Variants in RIC1 observed in about 807,000 individuals in gnomAD.
The protein encoded by RIC1 is RIC1 partner of RAB6A GEF complex.
A neutral mutation model predicts 169.0 loss-of-function variants in RIC1; 88 were observed. That is an observed-to-expected ratio of 0.52 (90% CI 0.44 to 0.62). RIC1 has a LOEUF of 0.62. Ranked by LOEUF, RIC1 falls within the 20% of genes least tolerant of loss-of-function variation. RIC1 has a pLI of 0.00. For missense variants in RIC1, 1,877 were observed against 1,725.5 expected, an observed-to-expected ratio of 1.09 and a Z score of -1.56; for synonymous variants, 790 against 601.5, an observed-to-expected ratio of 1.31 and a Z score of -4.59.
At position 5,631,770 on chromosome 9, in the gene RIC1, T is replaced by C. The variant is rs1050330162; in HGVS notation, c.144+2317T>C. Among the ~76,000 whole-genome samples, 18 of 152,154 alleles carry C rather than the reference T, an allele frequency of 1.2e-4. 1 individual carries two copies. The highest frequency in any genetic ancestry group is 3.9e-4 in the African/African-American group (16 of 41,490). On this transcript the variant is annotated intron_variant, in intron 1 of 25. Coordinates refer to ENST00000414202, the MANE Select transcript of RIC1 (RefSeq NM_020829.4). ...CATGCCTAGGTGAGTGGGATACATA[T>C]GCTAGACTCCAGCTTCCAATCTTCT...
chr9:5,719,904 T>TAGA (rs1432884961), intron 4 of RIC1, among the ~76,000 whole-genome samples: 1 of 152,236 alleles, frequency 6.6e-6, no homozygotes, highest in Non-Finnish European at 1.5e-5. Context: ...CTATCACTTC[T>TAGA]GTTTCCATCT....
chr9:5,634,432 G>A lies in RIC1; in HGVS notation c.144+4979G>A, dbSNP rs139875171. Among the ~76,000 whole-genome samples, 11 of 152,314 alleles carry A rather than the reference G, an allele frequency of 7.2e-5. No individual in the cohort carries two copies. The East Asian group carries it at 2.1e-3, about 29-fold the overall frequency. ...CTTGATAATAGATATCCTAACAGGT[G>A]TGAGGTATCTTATGGTTTTGATTTG... On this transcript the variant is annotated intron_variant, in intron 1 of 25. Coordinates refer to ENST00000414202, the MANE Select transcript of RIC1 (RefSeq NM_020829.4).
chr9:5,767,786 C>T (rs940916183), intron 21 of RIC1, among the ~76,000 whole-genome samples: 6 of 151,920 alleles, frequency 3.9e-5, no homozygotes, highest in African/African-American at 4.8e-5. Context: ...GGGGTTTCTC[C>T]GTATTGGTCA....
intron 3 of RIC1, among the ~76,000 whole-genome samples, chr9:5,698,254 T>G (rs1383190006): frequency 6.6e-6 from 1 of 152,238 alleles, no homozygotes; most frequent in Non-Finnish European, 1.5e-5. Flanking sequence ...TTAAAAGCAG[T>G]CTTCTTTTCT....
intron 3 of RIC1, among the ~76,000 whole-genome samples, chr9:5,706,897 GT>G (rs1822624529): frequency 6.6e-6 from 1 of 151,920 alleles, no homozygotes; most frequent in Non-Finnish European, 1.5e-5. Flanking sequence ...ATTTTTCTCT[GT>G]TTTTCTATTC....
intron 2 of RIC1, among the ~76,000 whole-genome samples, chr9:5,663,170 T>G (rs185393629): frequency 6.6e-6 from 1 of 152,192 alleles, no homozygotes. Flanking sequence ...CTGAGTGAAT[T>G]TTTTTGAGTG....
chr9:5,643,582 C>T (rs1241198732), intron 1 of RIC1, among the ~76,000 whole-genome samples: 4 of 151,970 alleles, frequency 2.6e-5, no homozygotes, highest in Non-Finnish European at 5.9e-5. Flanking sequence ...GCAATTAGCC[C>T]TTTTTATGCA....
At chr9:5,701,490 T>G (rs1317270453) in intron 3 of RIC1, among the ~76,000 whole-genome samples, 2 of 151,820 alleles carry the variant, frequency 1.3e-5, no homozygotes, top group Admixed American at 6.6e-5. Context: ...TCCCGGCTAC[T>G]CAGGAGGCTG....
chr9:5,719,346 C>A (rs1563924173), intron 4 of RIC1: 1 of 152,194 alleles, frequency 6.6e-6, no homozygotes, highest in African/African-American at 2.4e-5. Context: ...CAGGCTATTT[C>A]CCCATTAAAG....
intron 1 of RIC1, among the ~76,000 whole-genome samples, chr9:5,643,175 T>C (rs1247590923): frequency 6.6e-6 from 1 of 152,052 alleles, no homozygotes; most frequent in African/African-American, 2.4e-5. Context: ...GCCATGGTGG[T>C]GCATGCCTGT....
intron 2 of RIC1, among the ~76,000 whole-genome samples, chr9:5,657,986 G>C (rs1171142902): frequency 6.6e-6 from 1 of 152,072 alleles, no homozygotes; most frequent in African/African-American, 2.4e-5. Context: ...ATAGCAGATT[G>C]AATTGAAGTT....
Position 5,773,074 on chromosome 9 carries a change from C to G in RIC1, c.3977C>G (p.Thr1326Arg), listed in dbSNP as rs568941181. ...CATGCAGTGGACCGATGGGCCTCTA[C>G]AGACTGGTAAGTGCTGCTTTCCTTA... is the stretch of plus-strand genomic sequence containing the variant. Reference protein sequence around the residue: ...GLHAVDRWASTDCPGYKPFLN... With the variant: ...GLHAVDRWASRDCPGYKPFLN... The change falls in exon 25 of 26, where the codon ACA (threonine) becomes AGA (arginine). Residue 1326 changes from threonine (T) to arginine (R), a missense_variant. Physicochemically the swap from Thr to Arg is moderately conservative, Grantham distance 71. This residue lies in a region of RIC1 where 681 missense variants were observed against 582.0 expected (regional missense o/e 1.17). Transcript: ENST00000414202. 6.2e-7 allele frequency: 1 copy of G among 1,603,672 alleles called. No homozygotes were observed. Among genetic ancestry groups the G allele is most frequent in the Admixed American group, 1.7e-5 (1 of 58,736 alleles).
At chr9:5,651,031 C>T (rs1024909437) in intron 1 of RIC1, among the ~76,000 whole-genome samples, 2 of 152,138 alleles carry the variant, frequency 1.3e-5, no homozygotes, top group Admixed American at 6.5e-5. Flanking sequence ...AGGTCTCATG[C>T]AGGTGGTACA....
Position 5,681,098 on chromosome 9 carries a change from T to TTAC in RIC1, c.253-8860_253-8858dup, listed in dbSNP as rs1305914955. On this transcript the variant is annotated intron_variant, in intron 2 of 25. Transcript: ENST00000414202. ...GCCTCGGCCTCCCAAAGTGCTGGGATTACAGGCGTGAGCCACCGCGCCCGG... is the reference window on the plus strand; with the variant it reads ...GCCTCGGCCTCCCAAAGTGCTGGGATTACTACAGGCGTGAGCCACCGCGCCCGG... 1.3e-5 allele frequency among the ~76,000 whole-genome samples: 2 copies of TTAC among 152,054 alleles called. 1 individual carries two copies. The highest frequency in any genetic ancestry group is 1.3e-4 in the Admixed American group (2 of 15,268).
At chr9:5,728,255 C>A (rs958259658) in intron 6 of RIC1, among the ~76,000 whole-genome samples, 1 of 152,240 alleles carries the variant, frequency 6.6e-6, no homozygotes, top group Non-Finnish European at 1.5e-5. Flanking sequence ...AGACACCCCT[C>A]CCCCAGCTTC....
chr9:5,750,478 C>T (rs781529550), intron 12 of RIC1, among the ~76,000 whole-genome samples: 18 of 151,784 alleles, frequency 1.2e-4, no homozygotes, highest in Non-Finnish European at 2.4e-4. Flanking sequence ...TACTGTCTTC[C>T]TACAGTATGT....
intron 2 of RIC1, among the ~76,000 whole-genome samples, chr9:5,680,380 C>G (rs1303712521): frequency 2.6e-5 from 4 of 152,204 alleles, no homozygotes; most frequent in Admixed American, 1.3e-4. Context: ...AGGATTCCCT[C>G]TTTTTCTATT....
chr9:5,772,810 T>C, intron 24 of RIC1, 69 bp downstream of exon 24: 1 of 1,548,126 alleles, frequency 6.5e-7, no homozygotes, highest in African/African-American at 1.4e-5. Context: ...GGTATGGGGC[T>C]ACTCTCCTAA....
chr9:5,742,812 A>C, intron 8 of RIC1, 57 bp from the exon 9 acceptor site: 5 of 1,477,196 alleles, frequency 3.4e-6, no homozygotes, highest in African/African-American at 1.4e-5. Flanking sequence ...AAAAAAAAAA[A>C]ACAAGTATTT....
Sources: allele counts gnomAD v4.1 joint callset (sites outside exome capture counted in the v4.1 genomes callset), GRCh38; gene constraint gnomAD v4.1.1; regional missense constraint gnomAD v4.1.1; transcripts MANE v1.5; gene names NCBI Gene and HGNC (gene_info 2026-07-23, HGNC 2026-07-21).